SMG6: variants seen among roughly 807,000 people sequenced by gnomAD.
SMG6 encodes the protein SMG6 nonsense mediated mRNA decay factor.
Under a neutral mutation model 142.2 loss-of-function variants are expected in SMG6, and 66 were observed. That is an observed-to-expected ratio of 0.46 (90% CI 0.38 to 0.57). The LOEUF (loss-of-function observed/expected upper bound fraction) is 0.57, where lower values mean the gene tolerates loss of function less well. Ranked by LOEUF, SMG6 falls within the 20% of genes least tolerant of loss-of-function variation. SMG6 has a pLI of 0.00. For missense variants in SMG6, 1,793 were observed against 1,832.0 expected (o/e 0.98, Z 0.39); for synonymous variants, 779 against 702.4 (o/e 1.11, Z -1.72).
rs371866615 is a variant in SMG6, at chr17:2,299,661, G to A, written c.1092C>T (p.Pro364=). ...FDAEAMNKES[P]MVRSARDDMD... ...TATCATCCCTGGCTGACCTCACCAT[G>A]GGAGACTCTTTGTTCATGGCTTCTG... The change falls in exon 2 of 19, where the codon CCC becomes CCT. Residue 364 remains proline (P), a synonymous_variant. Coordinates refer to ENST00000263073, the MANE Select transcript of SMG6 (RefSeq NM_017575.5). This position sits in a 1 kb window ranked among gnomAD's most constrained non-coding sequence, Gnocchi z 4.3. 2.5e-6 allele frequency: 4 copies of A among 1,614,080 alleles called. No homozygotes were observed. Among genetic ancestry groups the A allele is most frequent in the African/African-American group, 1.3e-5 (1 of 74,924 alleles).
chr17:2,066,355 CATGTGTGTAT>C (rs2067948318), intron 16 of SMG6, among the ~76,000 whole-genome samples: 1 of 143,274 alleles, frequency 7.0e-6, no homozygotes, highest in African/African-American at 2.7e-5. Context: ...TATGTGTGTA[CATGTGTGTAT>C]ATGTCTCTGT....
intron 13 of SMG6, among the ~76,000 whole-genome samples, chr17:2,133,254 A>G (rs908162536): frequency 2.0e-5 from 3 of 152,080 alleles, no homozygotes; most frequent in African/African-American, 7.2e-5. Flanking sequence ...GGGGGGAAAA[A>G]AAAGTTTAAA....
chr17:2,250,043 C>A (rs993114958), intron 8 of SMG6, among the ~76,000 whole-genome samples: 33 of 152,142 alleles, frequency 2.2e-4, no homozygotes, highest in African/African-American at 8.0e-4. Flanking sequence ...TGAAATAATA[C>A]AAATTAAAGT....
intron 13 of SMG6, among the ~76,000 whole-genome samples, chr17:2,147,102 AGG>A (rs2070692565): frequency 6.6e-6 from 1 of 152,190 alleles, no homozygotes; most frequent in Non-Finnish European, 1.5e-5. Flanking sequence ...AGAAAGCTAT[AGG>A]TTATAGGGGC....
chr17:2,088,379 TG>T, intron 13 of SMG6: 2 of 985,414 alleles, frequency 2.0e-6, no homozygotes, highest in Non-Finnish European at 2.4e-6. Flanking sequence ...ACAGGGTCTG[TG>T]GGAATTGCCT....
intron 13 of SMG6, among the ~76,000 whole-genome samples, chr17:2,165,916 GAAAC>G (rs1281597966): frequency 2.0e-5 from 3 of 151,858 alleles, no homozygotes; most frequent in Non-Finnish European, 4.4e-5. Context: ...AAAACACAAA[GAAAC>G]AAACAAAATG....
In SMG6 at chr17:2,068,770, T is replaced by G. The variant is rs765546925; in HGVS notation, c.3835+8A>C. The G allele has an allele frequency of 2.5e-5, 41 of 1,613,358 alleles. No individual in the cohort carries two copies. Among genetic ancestry groups the G allele is most frequent in the Non-Finnish European group, 3.4e-5 (40 of 1,179,672 alleles). On this transcript the variant is annotated splice_region_variant and intron_variant, in intron 16 of 18. Coordinates refer to ENST00000263073, the MANE Select transcript of SMG6 (RefSeq NM_017575.5). This position sits in a 1 kb window ranked among gnomAD's most constrained non-coding sequence, Gnocchi z 6.7. Reference sequence around the variant, plus strand: ...GCAAGGCCGCTCTGCCCTTCCCGCCTGACTCACCGATGAGGGGCACCACCA... The same window carrying G: ...GCAAGGCCGCTCTGCCCTTCCCGCCGGACTCACCGATGAGGGGCACCACCA...
intron 10 of SMG6, among the ~76,000 whole-genome samples, chr17:2,207,737 T>C (rs947709776): frequency 6.6e-6 from 1 of 152,196 alleles, no homozygotes; most frequent in African/African-American, 2.4e-5. Context: ...CAGTATGCTA[T>C]AAAGCAAGGG....
At chr17:2,161,484 T>C (rs1439644831) in intron 13 of SMG6, among the ~76,000 whole-genome samples, 2 of 151,652 alleles carry the variant, frequency 1.3e-5, no homozygotes, top group Non-Finnish European at 2.9e-5. Context: ...CGACCTCGGC[T>C]CACTAATCTT....
intron 8 of SMG6, among the ~76,000 whole-genome samples, chr17:2,274,293 C>T (rs936868641): frequency 5.3e-5 from 8 of 152,188 alleles, no homozygotes; most frequent in Admixed American, 6.5e-5. Flanking sequence ...TTCATCTTTA[C>T]AATCCTAGCA....
intron 9 of SMG6, among the ~76,000 whole-genome samples, chr17:2,238,889 AAGC>A (rs2151811654): frequency 6.7e-6 from 1 of 149,714 alleles, no homozygotes; most frequent in African/African-American, 2.6e-5. Flanking sequence ...AAAAAACTGA[AAGC>A]AGAAGGATAT....
At chr17:2,271,591 T>C (rs549801017) in intron 8 of SMG6, among the ~76,000 whole-genome samples, 25 of 152,122 alleles carry the variant, frequency 1.6e-4, no homozygotes, top group Non-Finnish European at 3.2e-4. Flanking sequence ...GGCGGGCGCC[T>C]GTAGTCCCAG....
chr17:2,136,902 T>C (rs1331789655), intron 13 of SMG6, among the ~76,000 whole-genome samples: 1 of 152,154 alleles, frequency 6.6e-6, no homozygotes, highest in Admixed American at 6.5e-5. Flanking sequence ...CTCACGCTTG[T>C]AATTTCAGCA....
rs144221268 is a variant in SMG6 at position 2,077,383 on chromosome 17, CA to C, written c.3681+4426del. Among the ~76,000 whole-genome samples the C allele has an allele frequency of 7.2e-4, 109 of 152,156 alleles. 1 individual carries two copies. In the East Asian group the frequency reaches 0.016, roughly 22 times the overall value. Reference sequence around the variant, plus strand: ...CAGACGGATTCCTCCTGGGGGAGACCAGGGGGGGCTTCACTGGGGAAGTGGA... The same window carrying C: ...CAGACGGATTCCTCCTGGGGGAGACCGGGGGGGCTTCACTGGGGAAGTGGA... On this transcript the variant is annotated intron_variant, in intron 15 of 18. Coordinates refer to ENST00000263073, the MANE Select transcript of SMG6 (RefSeq NM_017575.5).
intron 13 of SMG6, chr17:2,088,419 G>A: frequency 3.0e-6 from 3 of 985,414 alleles, no homozygotes; most frequent in Non-Finnish European, 3.6e-6. Context: ...ACGAGGAGTA[G>A]CCCTCTCCCA....
intron 10 of SMG6, among the ~76,000 whole-genome samples, chr17:2,191,287 A>G (rs1365100378): frequency 6.6e-6 from 1 of 152,210 alleles, no homozygotes; most frequent in Non-Finnish European, 1.5e-5. Flanking sequence ...ACTCCCTGAA[A>G]GCATTCACCG....
chr17:2,069,007 G>C, intron 15 of SMG6, 76 bp from the exon 16 acceptor site: 2 of 1,461,582 alleles, frequency 1.4e-6, no homozygotes, highest in Non-Finnish European at 1.9e-6. Flanking sequence ...CTGACACTAC[G>C]GTGTGTCAGC....
intron 8 of SMG6, among the ~76,000 whole-genome samples, chr17:2,257,504 A>G (rs2074211135): frequency 6.6e-6 from 1 of 152,218 alleles, no homozygotes. Context: ...GATCCTGAGT[A>G]GTAGCAATTC....
intron 1 of SMG6, among the ~76,000 whole-genome samples, chr17:2,301,675 AACAAAAAAT>A (rs1459254530): frequency 6.6e-6 from 1 of 151,540 alleles, no homozygotes; most frequent in Non-Finnish European, 1.5e-5. Context: ...ACCCCGTCTC[AACAAAAAAT>A]ACAAAAAATT....
Sources: gnomAD v4.1 joint callset for allele counts (sites outside exome capture counted in the v4.1 genomes callset) on GRCh38, gnomAD v4.1.1 for gene constraint, Gnocchi (gnomAD v3.1) non-coding constraint, MANE v1.5 for transcripts, NCBI Gene and HGNC (gene_info 2026-07-23, HGNC 2026-07-21) for gene names.